The following DCT variants were observed in gnomAD, a reference collection of about 807,000 sequenced individuals.
DCT encodes the protein dopachrome tautomerase, also known as L-dopachrome tautomerase.
A neutral mutation model predicts 53.0 loss-of-function variants in DCT; 47 were observed. That is an observed-to-expected ratio of 0.89 (90% confidence interval 0.70 to 1.13). The LOEUF is 1.13. DCT is among the 50% of genes most tolerant of loss of function. The probability of loss-of-function intolerance (pLI) is 0.00; values close to 1 mark genes in which losing one functional copy is unlikely to be tolerated. For synonymous variants in DCT, 244 were observed against 237.0 expected, an observed-to-expected ratio of 1.03 and a Z score of -0.27; for missense variants, 669 against 637.4, an observed-to-expected ratio of 1.05 and a Z score of -0.53.
chr13:94,518,141 G>GGAAA, the DCT span, among the ~76,000 whole-genome samples: 2 of 131,918 alleles, frequency 1.5e-5, no homozygotes, highest in East Asian at 4.0e-4. Flanking sequence ...AAGGAAGGAA[G>GGAAA]GAAGGAAGGA....
chr13:94,522,690 A>G, the DCT span, among the ~76,000 whole-genome samples: 1 of 152,218 alleles, frequency 6.6e-6, no homozygotes, highest in African/African-American at 2.4e-5. Flanking sequence ...GGGTATGTTG[A>G]CACACATGAT....
At chr13:94,537,465 T>C in the DCT span, among the ~76,000 whole-genome samples, 1 of 152,244 alleles carries the variant, frequency 6.6e-6, no homozygotes, top group Non-Finnish European at 1.5e-5. Context: ...TCCTGGCAGA[T>C]GGCCGTTCCT....
intron 7 of DCT, among the ~76,000 whole-genome samples, chr13:94,441,919 A>T (rs1040472650): frequency 1.3e-5 from 2 of 152,292 alleles, no homozygotes; most frequent in Middle Eastern, 3.4e-3. Context: ...AGGAATCCCC[A>T]TACTGTTTTC....
At chr13:94,486,524 A>G in the DCT span, among the ~76,000 whole-genome samples, 1 of 152,210 alleles carries the variant, frequency 6.6e-6, no homozygotes, top group Non-Finnish European at 1.5e-5. Flanking sequence ...GCATTAGGGC[A>G]TGATTTGGAA....
intron 6 of DCT, chr13:94,452,745 G>C: frequency 1.6e-6 from 1 of 628,638 alleles, no homozygotes; most frequent in East Asian, 2.9e-5. Context: ...CCATGCAAAA[G>C]AATACTATAC....
At chr13:94,521,909 C>T in the DCT span, among the ~76,000 whole-genome samples, 21 of 152,144 alleles carry the variant, frequency 1.4e-4, no homozygotes, top group African/African-American at 1.9e-4. Flanking sequence ...ATGTCCCAAT[C>T]CCTCCGTTTC....
chr13:94,445,880 A>C, intron 6 of DCT: 23 of 648,296 alleles, frequency 3.5e-5, no homozygotes, highest in Non-Finnish European at 5.4e-5. Flanking sequence ...CAGGGGAGAA[A>C]CTGTGGGGGG....
At chr13:94,491,395 A>G in the DCT span, among the ~76,000 whole-genome samples, 4 of 152,162 alleles carry the variant, frequency 2.6e-5, no homozygotes, top group African/African-American at 9.7e-5. Flanking sequence ...AGACAACAAT[A>G]TATTAGATTA....
the DCT span, among the ~76,000 whole-genome samples, chr13:94,515,927 G>C: frequency 1.3e-5 from 2 of 152,110 alleles, no homozygotes; most frequent in Admixed American, 1.3e-4. Context: ...AAAGCCATGG[G>C]GCTTAAAAAT....
chr13:94,511,644 G>A, the DCT span, among the ~76,000 whole-genome samples: 2 of 152,100 alleles, frequency 1.3e-5, no homozygotes, highest in African/African-American at 4.8e-5. Flanking sequence ...ACAGGCGTGA[G>A]CCACCGCATC....
At chr13:94,531,500 G>A in the DCT span, among the ~76,000 whole-genome samples, 26 of 151,978 alleles carry the variant, frequency 1.7e-4, no homozygotes, top group African/African-American at 4.8e-4. Context: ...ATCTACGACC[G>A]TCTGATCTTT....
intron 6 of DCT, 108 bp from the exon 7 acceptor site, chr13:94,443,745 C>G: frequency 1.2e-6 from 1 of 865,000 alleles, no homozygotes; most frequent in Non-Finnish European, 1.8e-6. Flanking sequence ...GACATAGGAA[C>G]TTCTGTATAC....
At chr13:94,509,880 C>G in the DCT span, among the ~76,000 whole-genome samples, 2 of 152,066 alleles carry the variant, frequency 1.3e-5, no homozygotes, top group African/African-American at 4.8e-5. Flanking sequence ...AATCATGTGC[C>G]CAGCACTCAA....
chr13:94,531,335 C>A, the DCT span, among the ~76,000 whole-genome samples: 12,937 of 152,196 alleles, frequency 0.085, 1,239 homozygotes, highest in African/African-American at 0.24. Context: ...AATGCCAAGA[C>A]AATCCCAAGC....
rs1242253278 is a variant in DCT at position 94,443,395 on chromosome 13, G to A, written c.1381+41C>T. 5 of 1,428,126 alleles carry A rather than the reference G, an allele frequency of 3.5e-6. No individual in the cohort carries two copies. In the East Asian group the frequency reaches 1.1e-4, roughly 32 times the overall value. The allele number at this position is 1,428,126 out of a possible 1,614,324, so 88.5% of individuals were successfully genotyped here. A position where few individuals can be genotyped will look rare whatever the true frequency, so the allele number is the denominator to read the frequency against. On this transcript the variant is annotated intron_variant, in intron 7 of 7. Coordinates refer to ENST00000377028, the MANE Select transcript of DCT (RefSeq NM_001922.5). ...GAAAGCAAGAAAGCTAGCTTCTTTA[G>A]AAGATGAATGAATCACCCATTTGGA...
rs1263801470 is a variant in DCT at position 94,479,474 on chromosome 13, A to G, written c.-219T>C. 6 of 490,612 alleles carry G rather than the reference A, an allele frequency of 1.2e-5. No individual in the cohort carries two copies. The East Asian group carries it at 1.9e-4, about 16-fold the overall frequency. 30.4% of individuals were successfully genotyped at this position (490,612 alleles called of 1,614,324 possible). Reference sequence around the variant, plus strand: ...TGCACACACAATTTTATGTGATTCAAACAACTAACAGACTTAATTTCCTTA... The same window carrying G: ...TGCACACACAATTTTATGTGATTCAGACAACTAACAGACTTAATTTCCTTA... On this transcript the variant is annotated 5_prime_UTR_variant, in exon 1 of 8. Transcript: ENST00000377028.
At chr13:94,452,164 C>G (rs1883140025) in intron 6 of DCT, among the ~76,000 whole-genome samples, 1 of 152,070 alleles carries the variant, frequency 6.6e-6, no homozygotes, top group Admixed American at 6.5e-5. Flanking sequence ...TCCCAAGCAG[C>G]TGAGACTACA....
At chr13:94,505,537 G>C in the DCT span, among the ~76,000 whole-genome samples, 2 of 152,170 alleles carry the variant, frequency 1.3e-5, no homozygotes, top group Admixed American at 1.3e-4. Context: ...TAAGCCATCT[G>C]GTCATCTGTT....
In DCT at chr13:94,474,231, T is replaced by G. The variant is rs182831331; in HGVS notation, c.295+4730A>C. The stretch of plus-strand genomic sequence containing the variant: ...TTAAATTTAAAGAGTCAAAGTCTCA[T>G]GTTTACAAAGGACTATGATAAAAAT... On this transcript the variant is annotated intron_variant, in intron 1 of 7. Transcript: ENST00000377028. Among the ~76,000 whole-genome samples, 448 of 146,342 alleles carry G rather than the reference T, an allele frequency of 3.1e-3. 3 individuals carry two copies. Among genetic ancestry groups the G allele is most frequent in the Non-Finnish European group, 1.6e-3 (104 of 66,788 alleles).
Sources: allele counts gnomAD v4.1 joint callset (sites outside exome capture counted in the v4.1 genomes callset), GRCh38; gene constraint gnomAD v4.1.1; transcripts MANE v1.5; gene names NCBI Gene and HGNC (gene_info 2026-07-23, HGNC 2026-07-21).